Variants in NCALD observed in about 807,000 individuals in gnomAD.
NCALD encodes neurocalcin delta, also known as neurocalcin-delta.
NCALD carries 10 observed loss-of-function variants against 18.6 expected under a neutral mutation model. The observed-to-expected ratio is 0.54, with a 90% CI of 0.33 to 0.91. The LOEUF (loss-of-function observed/expected upper bound fraction) is 0.91. Ranked by LOEUF, NCALD falls within the 40% of genes least tolerant of loss-of-function variation. NCALD has a pLI of 0.03. For synonymous variants in NCALD, 88 were observed against 87.4 expected, an observed-to-expected ratio of 1.01 and a Z score of -0.04; for missense variants, 184 against 247.6, an observed-to-expected ratio of 0.74 and a Z score of 1.72.
chr8:102,107,766 T>C (rs772889371), intron 1 of NCALD, among the ~76,000 whole-genome samples: 2 of 152,206 alleles, frequency 1.3e-5, no homozygotes, highest in Non-Finnish European at 2.9e-5. Flanking sequence ...AAAGCATTCC[T>C]GAGAAGTCAC....
intron 1 of NCALD, among the ~76,000 whole-genome samples, chr8:101,760,179 C>G (rs1811053849): frequency 6.6e-6 from 1 of 152,180 alleles, no homozygotes; most frequent in Non-Finnish European, 1.5e-5. Flanking sequence ...CAGATATTGA[C>G]AATTTGTCAC....
intron 4 of NCALD, among the ~76,000 whole-genome samples, chr8:101,860,551 A>C (rs1376682306): frequency 6.6e-6 from 1 of 152,200 alleles, no homozygotes; most frequent in African/African-American, 2.4e-5. Flanking sequence ...TTGGCAATTA[A>C]GTCCAGGAGA....
intron 4 of NCALD, among the ~76,000 whole-genome samples, chr8:101,861,350 T>C (rs1289033746): frequency 6.6e-6 from 1 of 151,882 alleles, no homozygotes; most frequent in African/African-American, 2.4e-5. Context: ...ACCCTCCGAG[T>C]CAGTGGCGTT....
chr8:101,687,778 G>A lies in NCALD; in HGVS notation c.*1531C>T, dbSNP rs529999713. ...CTAACTACTTGCAAGAGTATGACTC[G>A]CCTGTAACCAGCAAATTTTTACTCT... On this transcript the variant is annotated 3_prime_UTR_variant, in exon 4 of 4. Transcript: ENST00000220931. 1.3e-5 allele frequency: 2 copies of A among 152,244 alleles called. No homozygotes were observed. Among genetic ancestry groups the A allele is most frequent in the East Asian group, 1.9e-4 (1 of 5,180 alleles). The allele number at this position is 152,244 out of a possible 1,614,324, so 9.4% of individuals were successfully genotyped here.
chr8:102,040,285 C>T (rs1823003205), intron 1 of NCALD, among the ~76,000 whole-genome samples: 1 of 151,990 alleles, frequency 6.6e-6, no homozygotes, highest in Non-Finnish European at 1.5e-5. Context: ...ACCAGCCTGG[C>T]CAACATGGTG....
At chr8:101,713,172 T>C (rs1815892509) in intron 2 of NCALD, among the ~76,000 whole-genome samples, 1 of 152,202 alleles carries the variant, frequency 6.6e-6, no homozygotes. Context: ...TGCTCCTGAA[T>C]GACTAGTGGG....
rs117587186 is a variant in NCALD at position 101,991,334 on chromosome 8, T to C, written c.-157+28903A>G. ...ATGCTACCTGTTCCTATGAGGCTGC[T>C]ACCCTTAGAGCAGCAAGCAGGATGA... On this transcript the variant is annotated intron_variant, in intron 2 of 6. Transcript: ENST00000311028. Among the ~76,000 whole-genome samples the C allele has an allele frequency of 6.4e-3, 967 of 152,208 alleles. 4 individuals are homozygous for C. The highest frequency in any genetic ancestry group is 0.01 in the Non-Finnish European group (685 of 68,000).
intron 1 of NCALD, among the ~76,000 whole-genome samples, chr8:102,043,168 T>G (rs1246106684): frequency 6.6e-6 from 1 of 152,006 alleles, no homozygotes; most frequent in Non-Finnish European, 1.5e-5. Context: ...GAACTTCACC[T>G]AACAGTTATG....
intron 1 of NCALD, among the ~76,000 whole-genome samples, chr8:101,762,174 A>G (rs1811140231): frequency 1.3e-5 from 2 of 152,176 alleles, no homozygotes; most frequent in Admixed American, 1.3e-4. Context: ...TAAATAGACC[A>G]GGAGCTTCTG....
chr8:101,819,898 C>T (rs1384221674), intron 4 of NCALD, among the ~76,000 whole-genome samples: 1 of 152,294 alleles, frequency 6.6e-6, no homozygotes, highest in Non-Finnish European at 1.5e-5. Flanking sequence ...GAATTTCAGA[C>T]AAATGGGGCT....
chr8:102,034,640 G>A (rs77922945), intron 1 of NCALD, among the ~76,000 whole-genome samples: 2,687 of 152,286 alleles, frequency 0.018, 86 homozygotes, highest in African/African-American at 0.061. Context: ...TTGTAAGACC[G>A]GAAGAAGGGA....
At chr8:102,090,623 T>C (rs1293487429) in intron 1 of NCALD, among the ~76,000 whole-genome samples, 3 of 152,216 alleles carry the variant, frequency 2.0e-5, no homozygotes, top group Non-Finnish European at 4.4e-5. Flanking sequence ...CTGAATCTTT[T>C]TGTTTTCCAG....
At chr8:101,792,474 C>T (rs773744028), upstream of NCALD, among the ~76,000 whole-genome samples, 1 of 152,092 alleles carries the variant, frequency 6.6e-6, no homozygotes, top group South Asian at 2.1e-4. Flanking sequence ...ACTGCAAAAC[C>T]GAAATCAAAC....
At chr8:101,977,042 A>C (rs539011497) in intron 2 of NCALD, among the ~76,000 whole-genome samples, 20 of 152,248 alleles carry the variant, frequency 1.3e-4, no homozygotes, top group Admixed American at 3.3e-4. Context: ...ATCTTTTCTG[A>C]ATCTTCTCCT....
chr8:102,037,248 T>C (rs1822900551), intron 1 of NCALD, among the ~76,000 whole-genome samples: 1 of 152,164 alleles, frequency 6.6e-6, no homozygotes, highest in South Asian at 2.1e-4. Flanking sequence ...TTGTCCCTAT[T>C]TTACAGAGAT....
At chr8:102,057,371 GA>G in intron 1 of NCALD, among the ~76,000 whole-genome samples, 1 of 152,158 alleles carries the variant, frequency 6.6e-6, no homozygotes, top group South Asian at 2.1e-4. Flanking sequence ...AAGCAGGAAA[GA>G]AGAGTGCTAT....
chr8:101,754,114 G>A (rs1333869723), intron 1 of NCALD, among the ~76,000 whole-genome samples: 2 of 152,030 alleles, frequency 1.3e-5, no homozygotes, highest in Non-Finnish European at 2.9e-5. Context: ...GTGTCGACAG[G>A]TACCACTCTC....
intron 1 of NCALD, among the ~76,000 whole-genome samples, chr8:101,757,457 C>T (rs2130810329): frequency 6.6e-6 from 1 of 152,260 alleles, no homozygotes; most frequent in South Asian, 2.1e-4. Context: ...TCATAGAGGG[C>T]CAGTCATCTC....
chr8:102,001,039 G>C (rs987999222), intron 2 of NCALD, among the ~76,000 whole-genome samples: 97 of 152,356 alleles, frequency 6.4e-4, no homozygotes, highest in African/African-American at 2.2e-3. Context: ...TGACTTTGAT[G>C]AGTAGAGAGA....
Sources: gnomAD v4.1 joint callset for allele counts (sites outside exome capture counted in the v4.1 genomes callset) on GRCh38, gnomAD v4.1.1 for gene constraint, MANE v1.5 for transcripts, NCBI Gene and HGNC (gene_info 2026-07-23, HGNC 2026-07-21) for gene names.